Variants in ZNF804B observed in about 807,000 individuals in gnomAD.
ZNF804B encodes zinc finger 804B.
In ZNF804B, 80 loss-of-function variants were observed where a neutral mutation model predicts 101.4. The ratio of observed to expected loss-of-function variants is 0.79; its 90% CI spans 0.66 to 0.95. The LOEUF is 0.95. Ranked by LOEUF, ZNF804B falls within the 40% of genes least tolerant of loss-of-function variation. The pLI is 0.00. For synonymous variants in ZNF804B, 622 were observed against 558.8 expected (o/e 1.11, Z -1.59); for missense variants, 1,673 against 1,561.9 (o/e 1.07, Z -1.20).
chr7:88,841,332 T>C (rs74477667), intron 1 of ZNF804B, among the ~76,000 whole-genome samples: 3,943 of 152,260 alleles, frequency 0.026, 133 homozygotes, highest in African/African-American at 0.073. Context: ...TTGGTCACAT[T>C]GTATCAGTTG....
intron 1 of ZNF804B, among the ~76,000 whole-genome samples, chr7:89,099,312 A>G (rs1790017740): frequency 6.6e-6 from 1 of 152,074 alleles, no homozygotes; most frequent in Admixed American, 6.6e-5. Flanking sequence ...ACAGCTATAT[A>G]CAAATATATA....
intron 1 of ZNF804B, among the ~76,000 whole-genome samples, chr7:89,095,224 C>A (rs1026042387): frequency 1.3e-5 from 2 of 152,106 alleles, no homozygotes; most frequent in Non-Finnish European, 2.9e-5. Flanking sequence ...GCCCATTCCA[C>A]CGTGTGAGGA....
chr7:88,928,657 C>G (rs1792841093), intron 1 of ZNF804B, among the ~76,000 whole-genome samples: 1 of 152,124 alleles, frequency 6.6e-6, no homozygotes. Context: ...CTGAAGTATT[C>G]TTTCTCTCTT....
At chr7:89,320,516 CTTGTG>C (rs1790803102) in intron 2 of ZNF804B, among the ~76,000 whole-genome samples, 1 of 152,112 alleles carries the variant, frequency 6.6e-6, no homozygotes, top group Admixed American at 6.5e-5. Flanking sequence ...TAATGGAGCA[CTTGTG>C]ATATTTAGCA....
At chr7:88,912,731 G>C (rs78292054) in intron 1 of ZNF804B, among the ~76,000 whole-genome samples, 2,206 of 152,122 alleles carry the variant, frequency 0.015, 56 homozygotes, top group African/African-American at 0.05. Context: ...CAATACGTTT[G>C]TAAGTATATT....
At chr7:89,057,299 T>G (rs1789311702) in intron 1 of ZNF804B, among the ~76,000 whole-genome samples, 1 of 151,972 alleles carries the variant, frequency 6.6e-6, no homozygotes, top group Non-Finnish European at 1.5e-5. Context: ...TAGGTCAAAA[T>G]GCAGCCGGAT....
chr7:88,794,812 T>A, intron 1 of ZNF804B: 1 of 1,613,816 alleles, frequency 6.2e-7, no homozygotes, highest in Non-Finnish European at 8.5e-7. Flanking sequence ...AAGAAGGAAT[T>A]TCTTTAGGTG....
intron 1 of ZNF804B, among the ~76,000 whole-genome samples, chr7:88,873,305 T>G (rs1791868925): frequency 6.6e-6 from 1 of 152,204 alleles, no homozygotes; most frequent in African/African-American, 2.4e-5. Context: ...TTGCACACTT[T>G]TTGATGGGGT....
intron 1 of ZNF804B, among the ~76,000 whole-genome samples, chr7:88,768,492 C>T (rs946323557): frequency 1.3e-5 from 2 of 152,174 alleles, no homozygotes; most frequent in Non-Finnish European, 2.9e-5. Flanking sequence ...CCCAGGTGGG[C>T]AGATTGCCTG....
At chr7:89,098,532 A>G (rs1267317794) in intron 1 of ZNF804B, among the ~76,000 whole-genome samples, 2 of 152,226 alleles carry the variant, frequency 1.3e-5, no homozygotes, top group African/African-American at 4.8e-5. Context: ...TCAGCCTCCC[A>G]AAGTGCTGGG....
intron 1 of ZNF804B, among the ~76,000 whole-genome samples, chr7:88,965,873 T>A (rs2116099874): frequency 6.6e-6 from 1 of 151,594 alleles, no homozygotes; most frequent in Middle Eastern, 3.4e-3. Flanking sequence ...CAAATGTCTT[T>A]AAAAAGTGCA....
chr7:89,232,488 T>A (rs1462318326), intron 2 of ZNF804B, among the ~76,000 whole-genome samples: 1 of 152,196 alleles, frequency 6.6e-6, no homozygotes, highest in Non-Finnish European at 1.5e-5. Flanking sequence ...AGAGTTATTA[T>A]TCATTCTTTA....
At chr7:88,794,352 G>A (rs759884778) in intron 1 of ZNF804B, 19 of 1,613,690 alleles carry the variant, frequency 1.2e-5, no homozygotes, top group African/African-American at 6.7e-5. Context: ...GTAAGTTATC[G>A]CCTGGTCCTT....
intron 1 of ZNF804B, among the ~76,000 whole-genome samples, chr7:88,770,757 A>AAGG (rs1214842710): frequency 6.6e-6 from 1 of 152,158 alleles, no homozygotes; most frequent in African/African-American, 2.4e-5. Flanking sequence ...TTTTGAAGCA[A>AAGG]GAGTGTAGGG....
intron 1 of ZNF804B, among the ~76,000 whole-genome samples, chr7:88,834,196 A>G (rs908114435): frequency 2.0e-5 from 3 of 151,886 alleles, no homozygotes; most frequent in African/African-American, 7.2e-5. Flanking sequence ...ACAATTTTAC[A>G]CAAAATGCCT....
At chr7:88,969,369 G>A (rs1793500171) in intron 1 of ZNF804B, among the ~76,000 whole-genome samples, 1 of 151,594 alleles carries the variant, frequency 6.6e-6, no homozygotes, top group Non-Finnish European at 1.5e-5. Flanking sequence ...ATGAGTATGT[G>A]AGATGAGGTT....
Position 89,038,555 on chromosome 7 carries a change from T to C in ZNF804B, c.109-179600T>C, listed in dbSNP as rs997615222. On this transcript the variant is annotated intron_variant, in intron 1 of 3. Transcript: ENST00000333190. ...GATTGTTTGAGTTCCGTATGTATTT[T>C]GGTTATTAACTCCTTATCAGATATA... Among the ~76,000 whole-genome samples, 4 of 152,148 alleles carry C rather than the reference T, an allele frequency of 2.6e-5. No individual in the cohort carries two copies. In the South Asian group the frequency reaches 6.2e-4, roughly 24 times the overall value.
intron 1 of ZNF804B, among the ~76,000 whole-genome samples, chr7:88,858,835 C>CT (rs1226293655): frequency 1.3e-5 from 2 of 152,034 alleles, no homozygotes; most frequent in African/African-American, 4.8e-5. Flanking sequence ...ACAGCGGCAA[C>CT]AACTGTGAAC....
chr7:89,031,053 G>T (rs1788824795), intron 1 of ZNF804B, among the ~76,000 whole-genome samples: 1 of 151,918 alleles, frequency 6.6e-6, no homozygotes, highest in Non-Finnish European at 1.5e-5. Flanking sequence ...ATAGTGTAAG[G>T]AGAAATACCT....
Sources: gnomAD v4.1 joint callset for allele counts (sites outside exome capture counted in the v4.1 genomes callset) on GRCh38, gnomAD v4.1.1 for gene constraint, MANE v1.5 for transcripts, NCBI Gene and HGNC (gene_info 2026-07-23, HGNC 2026-07-21) for gene names.